SF3A1: variants seen among roughly 807,000 people sequenced by gnomAD.
The protein encoded by SF3A1 is splicing factor 3a subunit 1.
In SF3A1, 13 loss-of-function variants were observed where a neutral mutation model predicts 89.9. The ratio of observed to expected loss-of-function variants is 0.14; its 90% confidence interval spans 0.09 to 0.23. The LOEUF is 0.23. Ranked by LOEUF, SF3A1 falls within the 10% of genes least tolerant of loss-of-function variation. SF3A1 has a pLI of 1.00. For synonymous variants in SF3A1, 405 were observed against 374.4 expected (o/e 1.08, Z -0.94); for missense variants, 604 against 1,022.1 (o/e 0.59, Z 5.58).
chr22:30,350,330 A>AAAAAAAAAAAAAAAG (rs1931552801), intron 2 of SF3A1, among the ~76,000 whole-genome samples: 1 of 151,464 alleles, frequency 6.6e-6, no homozygotes, highest in Admixed American at 6.6e-5. Flanking sequence ...AATAAAAAAA[A>AAAAAAAAAAAAAAAG]AATTAGCTGG....
At position 30,337,799 on chromosome 22, in the gene SF3A1, G is replaced by A. The variant is rs373903321; in HGVS notation, c.1842C>T (p.Ile614=). 1.9e-5 allele frequency: 30 copies of A among 1,601,132 alleles called. No homozygotes were observed. The highest frequency in any genetic ancestry group is 1.2e-4 in the Admixed American group (7 of 57,888). The change falls in exon 12 of 16, where the codon ATC becomes ATT. Residue 614 remains isoleucine (I), a synonymous_variant. Coordinates refer to ENST00000215793, the MANE Select transcript of SF3A1 (RefSeq NM_005877.6). Reference sequence around the variant, plus strand: ...CGTGGATGATGGGCGGCATGGGGGCGATCACTGAGCCTGGGGGCAGCCGGA... The same window carrying A: ...CGTGGATGATGGGCGGCATGGGGGCAATCACTGAGCCTGGGGGCAGCCGGA... ...SVVRLPPGSV[I]APMPPIIHAP...
intron 13 of SF3A1, among the ~76,000 whole-genome samples, chr22:30,336,141 T>G (rs1411964828): frequency 6.6e-6 from 1 of 152,246 alleles, no homozygotes; most frequent in East Asian, 1.9e-4. Flanking sequence ...GGTTCATGAC[T>G]GTTTTGAGTA....
chr22:30,345,849 G>C (rs748668151), intron 3 of SF3A1, among the ~76,000 whole-genome samples: 1 of 152,138 alleles, frequency 6.6e-6, no homozygotes, highest in Non-Finnish European at 1.5e-5. Flanking sequence ...TCAGCACAGG[G>C]AAGGTGGTAT....
chr22:30,338,052 G>A (rs998539725), intron 11 of SF3A1, among the ~76,000 whole-genome samples, 155 bp from the exon 12 acceptor site: 7 of 152,108 alleles, frequency 4.6e-5, no homozygotes, highest in Non-Finnish European at 7.4e-5. Context: ...TACACTGGGC[G>A]TCCAATAGGA....
At chr22:30,354,727 G>C (rs1338904477) in intron 1 of SF3A1, among the ~76,000 whole-genome samples, 2 of 152,148 alleles carry the variant, frequency 1.3e-5, no homozygotes, top group Non-Finnish European at 2.9e-5. Flanking sequence ...AAAGTTGGGG[G>C]CTCCTCTCTC....
At chr22:30,337,981 G>A (rs1281853334) in intron 11 of SF3A1, 84 bp from the exon 12 acceptor site, 5 of 951,632 alleles carry the variant, frequency 5.3e-6, no homozygotes, top group Non-Finnish European at 8.4e-6. Flanking sequence ...GCTGCCTGCA[G>A]CTCTGAGGAT....
At chr22:30,337,989 G>A (rs1411267311) in intron 11 of SF3A1, 92 bp from the exon 12 acceptor site, 14 of 899,896 alleles carry the variant, frequency 1.6e-5, no homozygotes, top group Non-Finnish European at 2.2e-5. Flanking sequence ...CAGCTCTGAG[G>A]ATGGAGGTTA....
At chr22:30,345,216 G>A (rs779076197) in intron 3 of SF3A1, 26 bp from the exon 4 acceptor site, 12 of 1,603,124 alleles carry the variant, frequency 7.5e-6, no homozygotes, top group Middle Eastern at 1.7e-4. Context: ...AGTATGAGGC[G>A]AGAGGCACAG....
rs755669839 is a variant in SF3A1 at position 30,334,603 on chromosome 22, C to T, written c.2373G>A (p.Arg791=). The T allele has an allele frequency of 4.5e-6, 7 of 1,561,124 alleles. No individual in the cohort carries two copies. The highest frequency in any genetic ancestry group is 2.5e-5 in the East Asian group (1 of 40,486). Reference sequence around the variant, plus strand: ...AGCAGGTTCCTCTTGTCTACTTCTTCCTCCCGCCTCTCTCCTTGAGGGCCA... The same window carrying T: ...AGCAGGTTCCTCTTGTCTACTTCTTTCTCCCGCCTCTCTCCTTGAGGGCCA... ...IHLALKERGG[R]KK is the part of the protein sequence containing the mutation. Residue 791 remains arginine, a synonymous_variant, in exon 16 of 16, where the codon AGG becomes AGA. Transcript: ENST00000215793.
chr22:30,338,954 A>T lies in SF3A1; in HGVS notation c.1578T>A (p.Ile526=). 1.2e-6 allele frequency: 2 copies of T among 1,614,192 alleles called. No individual in the cohort carries two copies. The highest frequency in any genetic ancestry group is 2.2e-5 in the East Asian group (1 of 44,874). The change falls in exon 11 of 16, where the codon ATT becomes ATA. Residue 526 remains isoleucine (I), a synonymous_variant. Transcript: ENST00000215793. The stretch of plus-strand genomic sequence containing the variant: ...GGCCTTTGGCCTTGTGAATGGCCTC[A>T]ATCTGCTCCTGGAGGGTGATGTTGG... ...AQANITLQEQ[I]EAIHKAKGLV... is the part of the protein sequence containing the mutation.
chr22:30,352,809 C>T (rs1601701623), intron 2 of SF3A1, 142 bp downstream of exon 2: 3 of 921,144 alleles, frequency 3.3e-6, no homozygotes, highest in Non-Finnish European at 4.9e-6. Context: ...TACCTATTGC[C>T]TACCCCAGTG....
intron 1 of SF3A1, among the ~76,000 whole-genome samples, chr22:30,355,583 A>C (rs1377576818): frequency 6.6e-6 from 1 of 152,198 alleles, no homozygotes; most frequent in African/African-American, 2.4e-5. Context: ...CACTGTCTAC[A>C]AGGAAAAGTT....
intron 15 of SF3A1, 96 bp from the exon 16 acceptor site, chr22:30,334,791 G>T: frequency 2.5e-6 from 2 of 813,486 alleles, no homozygotes; most frequent in Non-Finnish European, 2.0e-6. Flanking sequence ...TTGCGCTCTG[G>T]ACTTAGCAAA....
rs1931009630 is a variant in SF3A1 at position 30,334,551 on chromosome 22, G to C, written c.*43C>G. On this transcript the variant is annotated 3_prime_UTR_variant, in exon 16 of 16. Coordinates refer to ENST00000215793, the MANE Select transcript of SF3A1 (RefSeq NM_005877.6). ...GGTCTGGGGCAGGGGGTGGGAGACAGGAGAGGCAAAATGGCAGGGACTTGA... is the reference window on the plus strand; with the variant it reads ...GGTCTGGGGCAGGGGGTGGGAGACACGAGAGGCAAAATGGCAGGGACTTGA... 1 of 1,341,136 alleles carries C rather than the reference G, an allele frequency of 7.5e-7. No individual in the cohort carries two copies. Among genetic ancestry groups the C allele is most frequent in the East Asian group, 2.6e-5 (1 of 38,862 alleles). 83.1% of individuals were successfully genotyped at this position (1,341,136 alleles called of 1,614,324 possible).
chr22:30,336,916 C>A, intron 13 of SF3A1, 110 bp downstream of exon 13: 6 of 1,294,418 alleles, frequency 4.6e-6, no homozygotes, highest in Non-Finnish European at 6.7e-6. Context: ...CTGACCTAGG[C>A]CCCAGAAGCC....
At position 30,334,608 on chromosome 22, in the gene SF3A1, C is replaced by T. The variant is rs779766258; in HGVS notation, c.2368G>A (p.Gly790Arg). The change falls in exon 16 of 16, where the codon GGG becomes AGG. Residue 790 changes from glycine to arginine, a missense_variant. This residue lies in a region of SF3A1 where 74 missense variants were observed against 141.3 expected (regional missense o/e 0.52). Transcript: ENST00000215793. ...GTTCCTCTTGTCTACTTCTTCCTCCCGCCTCTCTCCTTGAGGGCCAGGTGG... is the reference window on the plus strand; with the variant it reads ...GTTCCTCTTGTCTACTTCTTCCTCCTGCCTCTCTCCTTGAGGGCCAGGTGG... The part of the protein sequence containing the change: ...VIHLALKERG[G>R]RKK 1 of 1,563,924 alleles carries T rather than the reference C, an allele frequency of 6.4e-7. No individual in the cohort carries two copies. Among genetic ancestry groups the T allele is most frequent in the Non-Finnish European group, 8.6e-7 (1 of 1,161,322 alleles).
chr22:30,341,443 C>G (rs942136159), intron 7 of SF3A1, among the ~76,000 whole-genome samples: 2 of 152,178 alleles, frequency 1.3e-5, no homozygotes, highest in African/African-American at 4.8e-5. Flanking sequence ...AGCAGGCTGT[C>G]CGGGCCAGGG....
chr22:30,353,097 G>T, intron 1 of SF3A1, 25 bp from the exon 2 acceptor site: 2 of 1,612,290 alleles, frequency 1.2e-6, no homozygotes, highest in South Asian at 1.1e-5. Flanking sequence ...AAAGAAATAA[G>T]GTTTTAAAGT....
intron 2 of SF3A1, among the ~76,000 whole-genome samples, chr22:30,349,817 T>C (rs1210984924): frequency 1.3e-5 from 2 of 151,998 alleles, no homozygotes; most frequent in African/African-American, 4.8e-5. Flanking sequence ...CTAATTTTTT[T>C]ATTTTTTGTA....
Sources: gnomAD v4.1 joint callset for allele counts (sites outside exome capture counted in the v4.1 genomes callset) on GRCh38, gnomAD v4.1.1 for gene constraint, gnomAD v4.1.1 regional missense constraint, MANE v1.5 for transcripts, NCBI Gene and HGNC (gene_info 2026-07-23, HGNC 2026-07-21) for gene names.